Variants in LZTS2 observed in about 807,000 individuals in gnomAD.
The protein encoded by LZTS2 is leucine zipper putative tumor suppressor 2.
A neutral mutation model predicts 60.6 loss-of-function variants in LZTS2; 32 were observed. The observed-to-expected ratio is 0.53, with a 90% CI of 0.40 to 0.71. The LOEUF (loss-of-function observed/expected upper bound fraction) is 0.71, where lower values mean the gene tolerates loss of function less well. LZTS2 is among the 30% of genes least tolerant of loss of function. The pLI is 0.00. For synonymous variants in LZTS2, 360 were observed against 393.1 expected, an observed-to-expected ratio of 0.92 and a Z score of 1.00; for missense variants, 792 against 901.9, an observed-to-expected ratio of 0.88 and a Z score of 1.56.
upstream of LZTS2, among the ~76,000 whole-genome samples, chr10:100,997,399 G>A (rs980880202): frequency 3.9e-5 from 6 of 152,178 alleles, no homozygotes; most frequent in African/African-American, 1.4e-4. Flanking sequence ...ACACGAAAAC[G>A]CACGCCGACG....
At chr10:100,999,592 AG>A (rs1479958833) in exon 1 of LZTS2, 1 of 152,386 alleles carries the variant, frequency 6.6e-6, no homozygotes, top group African/African-American at 2.4e-5. Context: ...AGCCGAACCG[AG>A]CCCCCAGACA....
At chr10:100,998,138 C>T (rs956003469), upstream of LZTS2, among the ~76,000 whole-genome samples, 1 of 152,166 alleles carries the variant, frequency 6.6e-6, no homozygotes, top group African/African-American at 2.4e-5. Flanking sequence ...AACGCTCCCT[C>T]AATACCAGAG....
chr10:100,996,921 T>C (rs1851927094), upstream of LZTS2, among the ~76,000 whole-genome samples: 1 of 152,172 alleles, frequency 6.6e-6, no homozygotes, highest in Non-Finnish European at 1.5e-5. Context: ...TCCAGTAAGC[T>C]GTGAAGTCAG....
chr10:101,004,075 A>G, exon 2 of LZTS2: 2 of 1,613,310 alleles, frequency 1.2e-6, no homozygotes, highest in South Asian at 1.1e-5. Flanking sequence ...GCCCTGCTGC[A>G]CTGTGTCCTG....
exon 1 of LZTS2, chr10:100,999,473 GGGGCGGCCGC>G (rs976427201): frequency 2.6e-5 from 4 of 152,612 alleles, no homozygotes; most frequent in Admixed American, 2.6e-4. Context: ...CGGAGGGGGA[GGGGCGGCCGC>G]CGCCGCGCCG....
At chr10:100,997,712 C>T (rs1439478301), upstream of LZTS2, among the ~76,000 whole-genome samples, 1 of 152,236 alleles carries the variant, frequency 6.6e-6, no homozygotes, top group African/African-American at 2.4e-5. Flanking sequence ...GCTCCGCAGA[C>T]CAGTGGCCTG....
intron 2 of LZTS2, among the ~76,000 whole-genome samples, chr10:101,004,382 G>A (rs992281455): frequency 5.9e-5 from 9 of 152,148 alleles, no homozygotes; most frequent in African/African-American, 1.2e-4. Flanking sequence ...CGAGGTGGGC[G>A]GATTGCTTGA....
chr10:101,002,044 C>T (rs701834), exon 1 of LZTS2: 40,915 of 152,856 alleles, frequency 0.27, 6,236 homozygotes, highest in East Asian at 0.55. Context: ...CTCTTTGTTC[C>T]CTAATTACCA....
At position 101,006,505 on chromosome 10, in the gene LZTS2, G is replaced by A. The variant is rs557304186; in HGVS notation, c.1347G>A (p.Glu449=). The stretch of plus-strand genomic sequence containing the variant: ...CCCAGGTGTGCCAGAAATCAGGCGA[G>A]ATCTCCCTGCTGAAGCAGCAGCTGA... The change falls in exon 4 of 4, where the codon GAG becomes GAA. Residue 449 remains glutamate, a synonymous_variant. Coordinates refer to ENST00000370220, the Ensembl canonical transcript of LZTS2. 4 of 1,610,414 alleles carry A rather than the reference G, an allele frequency of 2.5e-6. No homozygotes were observed. In the South Asian group the frequency reaches 3.3e-5, roughly 13 times the overall value.
intron 1 of LZTS2, 88 bp from the exon 3 acceptor site, chr10:101,003,419 G>A (rs573361451): frequency 8.0e-5 from 110 of 1,382,328 alleles, no homozygotes; most frequent in Middle Eastern, 3.8e-4. Context: ...TGGGCACTGG[G>A]GACCCAAGAC....
At chr10:101,007,012 G>A (rs1271638213) in exon 4 of LZTS2, 26 of 1,573,304 alleles carry the variant, frequency 1.7e-5, no homozygotes, top group Non-Finnish European at 2.2e-5. Flanking sequence ...AGCAGCTGCA[G>A]CACAACTACA....
At chr10:101,006,975 A>T in exon 4 of LZTS2, 1 of 1,551,562 alleles carries the variant, frequency 6.4e-7, no homozygotes, top group Non-Finnish European at 8.7e-7. Context: ...TGGCAGGCAG[A>T]GAAGGAGCAG....
chr10:101,005,462 A>G, exon 3 of LZTS2: 8 of 1,562,664 alleles, frequency 5.1e-6, no homozygotes, highest in Non-Finnish European at 6.9e-6. Flanking sequence ...CTGCAGGCAT[A>G]CGAGGAGCGG....
chr10:101,001,897 C>G (rs1275682397), exon 1 of LZTS2: 1 of 152,232 alleles, frequency 6.6e-6, no homozygotes, highest in Non-Finnish European at 1.5e-5. Context: ...GCAGGAGACC[C>G]CAAAGGACAC....
intron 3 of LZTS2, among the ~76,000 whole-genome samples, chr10:101,006,153 C>T (rs1852184525): frequency 1.3e-5 from 2 of 152,222 alleles, no homozygotes; most frequent in African/African-American, 4.8e-5. Flanking sequence ...CAGCAGGCAC[C>T]TGGGCACTGC....
upstream of LZTS2, chr10:100,997,000 G>C (rs993871562): frequency 6.6e-6 from 1 of 152,468 alleles, no homozygotes; most frequent in Non-Finnish European, 1.5e-5. Context: ...GCTGCTGGTG[G>C]AGTGCGGGGC....
At chr10:101,003,469 GC>G in intron 1 of LZTS2, 37 bp from the exon 3 acceptor site, 1 of 1,509,054 alleles carries the variant, frequency 6.6e-7, no homozygotes, top group Non-Finnish European at 8.9e-7. Context: ...GCAAGATTGG[GC>G]AGCTCATCTC....
chr10:101,002,240 C>T (rs1442111342), exon 1 of LZTS2: 1 of 282,628 alleles, frequency 3.5e-6, no homozygotes, highest in Non-Finnish European at 6.6e-6. Flanking sequence ...GCCAGGTGGC[C>T]CTGCGGTAAT....
exon 1 of LZTS2, chr10:101,002,186 C>T: frequency 4.9e-6 from 1 of 205,000 alleles, no homozygotes; most frequent in Non-Finnish European, 9.7e-6. Flanking sequence ...GAGTCCTGGC[C>T]TCTGTGGAGG....
Sources: allele counts gnomAD v4.1 joint callset (sites outside exome capture counted in the v4.1 genomes callset), GRCh38; gene constraint gnomAD v4.1.1; transcripts MANE v1.5; gene names NCBI Gene and HGNC (gene_info 2026-07-23, HGNC 2026-07-21).